The following ADGRL3 variants were observed in gnomAD, a reference collection of about 807,000 sequenced individuals.
ADGRL3 encodes adhesion G protein-coupled receptor L3.
ADGRL3 carries 62 observed loss-of-function variants against 153.5 expected under a neutral mutation model. The observed-to-expected ratio is 0.40, with a 90% CI of 0.33 to 0.50. ADGRL3 has a LOEUF of 0.50. ADGRL3 is among the 20% of genes least tolerant of loss of function. The pLI, the probability that ADGRL3 is intolerant of heterozygous loss-of-function variation, is 0.47. For missense variants in ADGRL3, 1,641 were observed against 1,859.4 expected, an observed-to-expected ratio of 0.88 and a Z score of 2.16; for synonymous variants, 710 against 672.5, an observed-to-expected ratio of 1.06 and a Z score of -0.86.
chr4:61,383,771 G>T lies in ADGRL3; in HGVS notation c.-174+582G>T, dbSNP rs188520088. Reference sequence around the variant, plus strand: ...ATCAGAAATATGTTTATGAAGTCCAGCATTTCAAGCAGTGTAACTTTAAGT... The same window carrying T: ...ATCAGAAATATGTTTATGAAGTCCATCATTTCAAGCAGTGTAACTTTAAGT... On this transcript the variant is annotated intron_variant, in intron 2 of 26. Transcript: ENST00000683033. Among the ~76,000 whole-genome samples the T allele has an allele frequency of 1.2e-4, 18 of 151,816 alleles. 1 individual carries two copies. Among genetic ancestry groups the T allele is most frequent in the African/African-American group, 4.3e-4 (18 of 41,502 alleles).
At chr4:61,854,056 T>C (rs1365154755) in intron 9 of ADGRL3, among the ~76,000 whole-genome samples, 6 of 152,206 alleles carry the variant, frequency 3.9e-5, no homozygotes, top group African/African-American at 7.2e-5. Context: ...TCTCTTTGTA[T>C]GTTTATAAGC....
At chr4:61,334,337 G>T (rs977629454) in intron 1 of ADGRL3, among the ~76,000 whole-genome samples, 1 of 152,156 alleles carries the variant, frequency 6.6e-6, no homozygotes, top group African/African-American at 2.4e-5. Flanking sequence ...GCAACTTTTT[G>T]TAAATTGGTC....
At chr4:61,925,480 A>G (rs888797500) in intron 13 of ADGRL3, among the ~76,000 whole-genome samples, 1 of 152,178 alleles carries the variant, frequency 6.6e-6, no homozygotes, top group Non-Finnish European at 1.5e-5. Flanking sequence ...TGGGTAATTT[A>G]TAAAGAAAAG....
chr4:61,353,790 G>T (rs1382105565), intron 1 of ADGRL3, among the ~76,000 whole-genome samples: 9 of 123,976 alleles, frequency 7.3e-5, no homozygotes, highest in African/African-American at 2.8e-4. Flanking sequence ...CCCCGAAATA[G>T]ATGAACCAAA....
At chr4:61,684,395 C>T (rs2151024142) in intron 6 of ADGRL3, among the ~76,000 whole-genome samples, 2 of 152,154 alleles carry the variant, frequency 1.3e-5, no homozygotes, top group Middle Eastern at 6.8e-3. Context: ...AGATCAAGAA[C>T]TCCTAGACAG....
chr4:61,455,580 A>G (rs149826205), intron 2 of ADGRL3, among the ~76,000 whole-genome samples: 1 of 152,242 alleles, frequency 6.6e-6, no homozygotes, highest in East Asian at 1.9e-4. Context: ...GCAATTAAAT[A>G]TTCATGAGTA....
chr4:61,971,871 T>C (rs558597633), intron 17 of ADGRL3, among the ~76,000 whole-genome samples: 1 of 152,292 alleles, frequency 6.6e-6, no homozygotes, highest in African/African-American at 2.4e-5. Context: ...AGATGGTATC[T>C]CATTGTGGTT....
At chr4:61,242,177 A>G (rs984523486) in intron 1 of ADGRL3, among the ~76,000 whole-genome samples, 1 of 152,004 alleles carries the variant, frequency 6.6e-6, no homozygotes, top group Non-Finnish European at 1.5e-5. Context: ...GCACTTATTC[A>G]TGATTGTATT....
chr4:61,697,137 T>C (rs908346241), intron 6 of ADGRL3, among the ~76,000 whole-genome samples: 3 of 152,070 alleles, frequency 2.0e-5, no homozygotes, highest in Non-Finnish European at 4.4e-5. Context: ...CTTAAAAAAT[T>C]TATCACCAAA....
chr4:61,550,078 T>C (rs13121223), intron 4 of ADGRL3, among the ~76,000 whole-genome samples: 57,075 of 151,790 alleles, frequency 0.38, 11,316 homozygotes, highest in East Asian at 0.76. Context: ...ATTTTTAGTG[T>C]ATAATTTTAA....
At chr4:61,466,341 C>G (rs1267876191) in intron 2 of ADGRL3, among the ~76,000 whole-genome samples, 3 of 152,078 alleles carry the variant, frequency 2.0e-5, no homozygotes, top group African/African-American at 7.2e-5. Flanking sequence ...ATTAACTCAG[C>G]ATACGCTTTT....
In ADGRL3 at chr4:61,534,407, G is replaced by A. The variant is rs575093317; in HGVS notation, c.259+16889G>A. Among the ~76,000 whole-genome samples the A allele has an allele frequency of 1.1e-4, 17 of 152,114 alleles. 1 individual carries two copies. In the South Asian group the frequency reaches 2.7e-3, roughly 24 times the overall value. ...GCTTTGCTCTTGTTGTTTGGAATGCGTTAGCTATTCAGCCTCTTTTTTGAT... is the reference window on the plus strand; with the variant it reads ...GCTTTGCTCTTGTTGTTTGGAATGCATTAGCTATTCAGCCTCTTTTTTGAT... On this transcript the variant is annotated intron_variant, in intron 4 of 26. Coordinates refer to ENST00000683033, the MANE Select transcript of ADGRL3 (RefSeq NM_001387552.1).
intron 9 of ADGRL3, among the ~76,000 whole-genome samples, chr4:61,860,793 CATAAT>C (rs1581186666): frequency 6.6e-6 from 1 of 152,098 alleles, no homozygotes; most frequent in Non-Finnish European, 1.5e-5. Context: ...TAATGATCAT[CATAAT>C]ATTATTAGAT....
intron 1 of ADGRL3, among the ~76,000 whole-genome samples, chr4:61,338,836 A>G (rs1036693776): frequency 1.3e-5 from 2 of 152,198 alleles, no homozygotes; most frequent in African/African-American, 2.4e-5. Flanking sequence ...GTAAATATGT[A>G]TTATTATAGT....
intron 9 of ADGRL3, among the ~76,000 whole-genome samples, chr4:61,859,212 A>G (rs2098313992): frequency 6.6e-6 from 1 of 152,192 alleles, no homozygotes; most frequent in Non-Finnish European, 1.5e-5. Flanking sequence ...GATGGTTAGC[A>G]AAATGTTAAA....
chr4:61,853,148 C>A (rs916057730), intron 9 of ADGRL3, among the ~76,000 whole-genome samples: 10 of 152,056 alleles, frequency 6.6e-5, no homozygotes, highest in Admixed American at 1.3e-4. Flanking sequence ...CTGAAAGTCC[C>A]TAACTGAATT....
chr4:61,242,038 T>G (rs1432318629), intron 1 of ADGRL3, among the ~76,000 whole-genome samples: 1 of 152,048 alleles, frequency 6.6e-6, no homozygotes, highest in Non-Finnish European at 1.5e-5. Context: ...ACTCTCTTCA[T>G]GGCCAACTCT....
At chr4:61,446,111 T>C (rs2097579085) in intron 2 of ADGRL3, among the ~76,000 whole-genome samples, 2 of 152,100 alleles carry the variant, frequency 1.3e-5, no homozygotes, top group Non-Finnish European at 2.9e-5. Flanking sequence ...TTTCTGAGAG[T>C]GTATCTTCAT....
chr4:61,547,667 AG>A (rs1213137727), intron 4 of ADGRL3, among the ~76,000 whole-genome samples: 1 of 152,030 alleles, frequency 6.6e-6, no homozygotes, highest in Non-Finnish European at 1.5e-5. Context: ...ATGGGTATTT[AG>A]GTTGATTCCA....
Sources: allele counts gnomAD v4.1 joint callset (sites outside exome capture counted in the v4.1 genomes callset), GRCh38; gene constraint gnomAD v4.1.1; transcripts MANE v1.5; gene names NCBI Gene and HGNC (gene_info 2026-07-23, HGNC 2026-07-21).